HPS4: variants seen among roughly 807,000 people sequenced by gnomAD.
The protein encoded by HPS4 is BLOC-3 complex member HPS4.
HPS4 carries 44 observed loss-of-function variants against 70.3 expected under a neutral mutation model. That is an observed-to-expected ratio of 0.63 (90% CI 0.49 to 0.80). The LOEUF is 0.80. HPS4 is among the 30% of genes least tolerant of loss of function. The pLI is 0.00. For synonymous variants in HPS4, 377 were observed against 355.9 expected, an observed-to-expected ratio of 1.06 and a Z score of -0.67; for missense variants, 873 against 884.4, an observed-to-expected ratio of 0.99 and a Z score of 0.16.
intron 7 of HPS4, among the ~76,000 whole-genome samples, 188 bp from the exon 8 acceptor site, chr22:26,468,811 C>T (rs1213715840): frequency 6.6e-6 from 1 of 152,192 alleles, no homozygotes; most frequent in African/African-American, 2.4e-5. Flanking sequence ...TATCCAAACC[C>T]TTTGACTCAG....
At chr22:26,456,708 G>A (rs2086200027) in intron 13 of HPS4, among the ~76,000 whole-genome samples, 2 of 35,984 alleles carry the variant, frequency 5.6e-5, no homozygotes, top group East Asian at 5.2e-4. Flanking sequence ...CAAGGACTAC[G>A]TGGACTAATA....
rs1339838905 is a variant in HPS4, at chr22:26,482,125, G to C, written c.-363C>G. On this transcript the variant is annotated 5_prime_UTR_variant, in exon 2 of 14. It adds an upstream start codon to the 5' untranslated region. Transcript: ENST00000398145. ...CTCTCCAGGAAAGCCAAAAGTGGGAGATGCATGCTAGAGCTGGTGTTCTAA... is the reference window on the plus strand; with the variant it reads ...CTCTCCAGGAAAGCCAAAAGTGGGACATGCATGCTAGAGCTGGTGTTCTAA... The C allele has an allele frequency of 6.3e-6, 2 of 315,884 alleles. No individual in the cohort carries two copies. Among genetic ancestry groups the C allele is most frequent in the Admixed American group, 4.6e-5 (1 of 21,780 alleles). 19.6% of individuals were successfully genotyped at this position (315,884 alleles called of 1,614,324 possible). A position where few individuals can be genotyped will look rare whatever the true frequency, so the allele number is the denominator to read the frequency against.
downstream of HPS4, among the ~76,000 whole-genome samples, chr22:26,448,927 A>G (rs2085045053): frequency 1.3e-5 from 2 of 152,180 alleles, no homozygotes; most frequent in Admixed American, 1.3e-4. Flanking sequence ...GGCAGTCAGA[A>G]TCAAGAAGCA....
intron 8 of HPS4, 134 bp from the exon 9 acceptor site, chr22:26,466,396 G>C (rs976903530): frequency 3.3e-5 from 31 of 942,618 alleles, no homozygotes; most frequent in Non-Finnish European, 5.0e-5. Context: ...CACATGCTAA[G>C]AGCCAAGCAG....
chr22:26,458,469 C>T lies in HPS4; in HGVS notation c.1822G>A (p.Asp608Asn). Residue 608 changes from aspartate to asparagine, a missense_variant, in exon 12 of 14, where the codon GAC (aspartate) becomes AAC (asparagine). Asp to Asn is a conservative substitution (Grantham distance 23, BLOSUM62 1). Transcript: ENST00000398145. ...TSSTYNFTHY[D>N]RIQSLLMANL... Reference sequence around the variant, plus strand: ...CCCATCAGCAAGCTCTGAATGCGGTCGTAATGTGTGAAGTTGTAGGTGCTG... The same window carrying T: ...CCCATCAGCAAGCTCTGAATGCGGTTGTAATGTGTGAAGTTGTAGGTGCTG... 1 of 1,614,090 alleles carries T rather than the reference C, an allele frequency of 6.2e-7. No individual in the cohort carries two copies. The highest frequency in any genetic ancestry group is 8.5e-7 in the Non-Finnish European group (1 of 1,180,032).
rs1435353290 is a variant in HPS4 at position 26,468,535 on chromosome 22, G to A, written c.669+16C>T. On this transcript the variant is annotated intron_variant, in intron 8 of 13. Coordinates refer to ENST00000398145, the MANE Select transcript of HPS4 (RefSeq NM_022081.6). ...TGGGGGATGCTGTCCAGCCAGGTGG[G>A]TGGACTTTACAATACCTGCTCCTGA... The A allele has an allele frequency of 6.2e-7, 1 of 1,608,828 alleles. No homozygotes were observed. Among genetic ancestry groups the A allele is most frequent in the Non-Finnish European group, 8.5e-7 (1 of 1,175,582 alleles).
rs142368201 is a variant in HPS4, at chr22:26,479,745, A to C, written c.42-390T>G. The C allele has an allele frequency of 2.3e-4, 222 of 957,454 alleles. No homozygotes were observed. In the African/African-American group the frequency reaches 3.6e-3, roughly 15 times the overall value. The allele number at this position is 957,454 out of a possible 1,614,324, so 59.3% of individuals were successfully genotyped here. On this transcript the variant is annotated intron_variant, in intron 2 of 13. Transcript: ENST00000398145. ...TAGGGATGTATTAGATGCACTCCTC[A>C]TAAGTGCTGAGCACAAAGATTTCCA...
At chr22:26,443,395 C>T, downstream of HPS4, 1 of 548,738 alleles carries the variant, frequency 1.8e-6, no homozygotes, top group East Asian at 3.2e-5. Context: ...AACTTTTCGG[C>T]TTGTATTTCC....
intron 9 of HPS4, 153 bp downstream of exon 9, chr22:26,466,073 T>C (rs2088533605): frequency 6.4e-6 from 10 of 1,566,400 alleles, no homozygotes; most frequent in Non-Finnish European, 8.6e-6. Flanking sequence ...GGTGGGTAAC[T>C]CGATTCTTGA....
chr22:26,462,580 G>C (rs934030612), intron 11 of HPS4, among the ~76,000 whole-genome samples: 7 of 152,230 alleles, frequency 4.6e-5, no homozygotes, highest in Non-Finnish European at 8.8e-5. Context: ...ACATCTCAAA[G>C]AGCAGCCTGG....
rs201290613 is a variant in HPS4 at position 26,465,462 on chromosome 22, T to C, written c.796A>G (p.Met266Val). 226 of 1,610,376 alleles carry C rather than the reference T, an allele frequency of 1.4e-4. No homozygotes were observed. Among genetic ancestry groups the C allele is most frequent in the Non-Finnish European group, 1.8e-4 (215 of 1,176,590 alleles). The change falls in exon 10 of 14, where the codon ATG becomes GTG. Residue 266 changes from methionine to valine, a missense_variant. By Grantham distance (21) the Met-to-Val change is conservative (BLOSUM62 1). Coordinates refer to ENST00000398145, the MANE Select transcript of HPS4 (RefSeq NM_022081.6). ...ISLHEFPVEQMTRSLASPAGL... is the reference protein window; with the variant it reads ...ISLHEFPVEQVTRSLASPAGL... Reference sequence around the variant, plus strand: ...CTCTGTGCACTCCATTACCTTGTCATCTGTTCCACCGGGAACTCGTGGAGA... The same window carrying C: ...CTCTGTGCACTCCATTACCTTGTCACCTGTTCCACCGGGAACTCGTGGAGA...
At chr22:26,458,601 G>A in intron 11 of HPS4, 24 bp from the exon 12 acceptor site, 2 of 1,613,616 alleles carry the variant, frequency 1.2e-6, no homozygotes, top group East Asian at 4.5e-5. Flanking sequence ...GAGGGTCATG[G>A]GCTTGTAGGG....
chr22:26,453,159 G>A lies in HPS4; in HGVS notation c.*74C>T, dbSNP rs999007046. 3.6e-6 allele frequency: 5 copies of A among 1,385,016 alleles called. No individual in the cohort carries two copies. The African/African-American group carries it at 5.7e-5, about 16-fold the overall frequency. The allele number at this position is 1,385,016 out of a possible 1,614,324, so 85.8% of individuals were successfully genotyped here. A position where few individuals can be genotyped will look rare whatever the true frequency, so the allele number is the denominator to read the frequency against. On this transcript the variant is annotated 3_prime_UTR_variant, in exon 14 of 14. Transcript: ENST00000398145. Reference sequence around the variant, plus strand: ...ATGTTTTCAAGAAAAATAAAATAGAGGGGCCTTTTCAATTATAAAAGGCAG... The same window carrying A: ...ATGTTTTCAAGAAAAATAAAATAGAAGGGCCTTTTCAATTATAAAAGGCAG...
chr22:26,460,851 T>A (rs2087111795), intron 11 of HPS4, among the ~76,000 whole-genome samples: 1 of 152,240 alleles, frequency 6.6e-6, no homozygotes, highest in African/African-American at 2.4e-5. Context: ...TTGTAACATG[T>A]GCAAATTATA....
At chr22:26,446,455 C>T (rs1388193612), downstream of HPS4, among the ~76,000 whole-genome samples, 1 of 152,020 alleles carries the variant, frequency 6.6e-6, no homozygotes, top group East Asian at 1.9e-4. Context: ...TGCAGTCACC[C>T]GGGAACTTGT....
chr22:26,483,645 T>G (rs935573284), intron 1 of HPS4, 29 bp downstream of exon 1: 3 of 351,056 alleles, frequency 8.5e-6, no homozygotes, highest in African/African-American at 6.4e-5. Context: ...CCCCTCGGTA[T>G]CCCCGCGCTC....
chr22:26,457,327 C>T (rs1452265236), intron 13 of HPS4, among the ~76,000 whole-genome samples: 1 of 151,390 alleles, frequency 6.6e-6, no homozygotes, highest in East Asian at 1.9e-4. Context: ...AGTGATTCTC[C>T]TGCCTCAGCC....
intron 4 of HPS4, 188 bp downstream of exon 4, chr22:26,476,805 A>G (rs982600947): frequency 4.7e-6 from 3 of 632,342 alleles, no homozygotes; most frequent in Non-Finnish European, 8.4e-6. Flanking sequence ...TATGTTAGAA[A>G]TGTTTTGGAA....
intron 8 of HPS4, chr22:26,467,789 G>A (rs1237810880): frequency 1.3e-5 from 2 of 152,202 alleles, no homozygotes; most frequent in Admixed American, 6.5e-5. Context: ...ACAGTTCAAA[G>A]ATGGGCAATT....
Sources: gnomAD v4.1 joint callset for allele counts (sites outside exome capture counted in the v4.1 genomes callset) on GRCh38, gnomAD v4.1.1 for gene constraint, MANE v1.5 for transcripts, NCBI Gene and HGNC (gene_info 2026-07-23, HGNC 2026-07-21) for gene names.